The following WDR36 variants were observed in gnomAD, a reference collection of about 807,000 sequenced individuals.
WDR36 encodes WD repeat-containing protein 36.
A neutral mutation model predicts 112.7 loss-of-function variants in WDR36; 63 were observed. The ratio of observed to expected loss-of-function variants is 0.56; its 90% CI spans 0.46 to 0.69. The LOEUF is 0.69. Among genes scored for constraint, WDR36 ranks in the 30% least tolerant of loss-of-function variants. The pLI is 0.00. For synonymous variants in WDR36, 410 were observed against 362.2 expected (o/e 1.13, Z -1.50); for missense variants, 1,226 against 1,070.3 (o/e 1.15, Z -2.03).
rs1753512944 is a variant in WDR36 at position 111,119,020 on chromosome 5, G to C, written c.1804G>C (p.Asp602His). Residue 602 changes from aspartate to histidine, a missense_variant, in exon 17 of 23, where the codon GAC (aspartate) becomes CAC (histidine). Transcript: ENST00000513710. ...TGTTAATTATTTCTGTAGCCTTATA[G>C]ACTGCTTTTTGTTGGACTCGGCTCC... ...TWDLPSGCLI[D>H]CFLLDSAPLN... The C allele has an allele frequency of 3.7e-6, 6 of 1,612,684 alleles. No individual in the cohort carries two copies. Among genetic ancestry groups the C allele is most frequent in the Non-Finnish European group, 5.1e-6 (6 of 1,178,892 alleles).
chr5:111,116,528 C>G (rs1435005981), intron 16 of WDR36, among the ~76,000 whole-genome samples: 1 of 152,110 alleles, frequency 6.6e-6, no homozygotes, highest in African/African-American at 2.4e-5. Context: ...AATTGTTATG[C>G]AGGGCTCTGA....
chr5:111,126,870 G>T lies in WDR36; in HGVS notation c.2675G>T (p.Ser892Ile). 6.2e-7 allele frequency: 1 copy of T among 1,601,952 alleles called. No homozygotes were observed. Among genetic ancestry groups the T allele is most frequent in the Non-Finnish European group, 8.5e-7 (1 of 1,174,576 alleles). ...ATGTGTATTTTAAATTATCTCAAAA[G>T]TGCTTTGTTGTAAAAATAAATTTGT... Reference protein sequence around the residue: ...QSMCILNYLKSALL With the variant: ...QSMCILNYLKIALL Residue 892 changes from serine (S) to isoleucine (I), a missense_variant, in exon 23 of 23, where the codon AGT becomes ATT. By Grantham distance (142) the Ser-to-Ile change is moderately radical. Transcript: ENST00000513710.
chr5:111,123,884 C>T lies in WDR36; in HGVS notation c.2228C>T (p.Pro743Leu). 1 of 1,613,800 alleles carries T rather than the reference C, an allele frequency of 6.2e-7. No individual in the cohort carries two copies. The highest frequency in any genetic ancestry group is 8.5e-7 in the Non-Finnish European group (1 of 1,179,904). The change falls in exon 20 of 23, where the codon CCC (proline) becomes CTC (leucine). Residue 743 changes from proline (P) to leucine (L), a missense_variant. Transcript: ENST00000513710. ...FFIPTIPGLV[P>L]RYAAPEQNND... ...ATTCCAACAATTCCTGGCCTTGTAC[C>T]CAGATATGCTGCACCTGAACAAAAT...
Position 111,111,293 on chromosome 5 carries a change from A to G in WDR36, c.1716+15A>G, listed in dbSNP as rs1434777975. 6.3e-7 allele frequency: 1 copy of G among 1,592,870 alleles called. No individual in the cohort carries two copies. Among genetic ancestry groups the G allele is most frequent in the Non-Finnish European group, 8.6e-7 (1 of 1,161,184 alleles). On this transcript the variant is annotated intron_variant, in intron 15 of 22. Coordinates refer to ENST00000513710, the MANE Select transcript of WDR36 (RefSeq NM_139281.3). ...TAAATGACATGGTAAAACAAACTCT[A>G]ACTAATAAAACTTGACTCATTTCTA...
At chr5:111,092,808 C>A (rs1200272474) in intron 1 of WDR36, among the ~76,000 whole-genome samples, 190 bp downstream of exon 1, 1 of 152,240 alleles carries the variant, frequency 6.6e-6, no homozygotes, top group Non-Finnish European at 1.5e-5. Context: ...CCTCCTGGGG[C>A]GTGTTTCAGA....
At chr5:111,094,043 G>C (rs990527807) in intron 1 of WDR36, among the ~76,000 whole-genome samples, 37 of 151,976 alleles carry the variant, frequency 2.4e-4, no homozygotes, top group Non-Finnish European at 4.0e-4. Context: ...AAAAAAAAAA[G>C]GAGCTAATGA....
intron 18 of WDR36, 115 bp from the exon 19 acceptor site, chr5:111,120,881 C>A (rs1753551344): frequency 1.1e-6 from 1 of 921,064 alleles, no homozygotes; most frequent in African/African-American, 1.7e-5. Context: ...AATAAATGAA[C>A]AGTCTACAAG....
At position 111,104,346 on chromosome 5, in the gene WDR36, T is replaced by C; in HGVS notation, c.900T>C (p.Ala300=). 1.2e-6 allele frequency: 2 copies of C among 1,611,756 alleles called. No homozygotes were observed. The highest frequency in any genetic ancestry group is 1.7e-6 in the Non-Finnish European group (2 of 1,178,292). The change falls in exon 8 of 23, where the codon GCT becomes GCC. Residue 300 remains alanine (A), a synonymous_variant. Coordinates refer to ENST00000513710, the MANE Select transcript of WDR36 (RefSeq NM_139281.3). The stretch of plus-strand genomic sequence containing the variant: ...TTGTCACAAATGGCGCTGACAATGC[T>C]CTTAGGGTATTATGATTATTGTTAA... ...PLLVTNGADN[A]LRIWIFDGPT... is the part of the protein sequence containing the mutation.
At position 111,109,727 on chromosome 5, in the gene WDR36, A is replaced by T. The variant is rs919333903; in HGVS notation, c.1327-462A>T. Among the ~76,000 whole-genome samples, 4 of 151,432 alleles carry T rather than the reference A, an allele frequency of 2.6e-5. No homozygotes were observed. In the Admixed American group the frequency reaches 2.6e-4, roughly 10 times the overall value. ...TAGTGTCTTATATATTTCCTTCCTA[A>T]TATGTCATAATTAAAATATTTTGGG... On this transcript the variant is annotated intron_variant, in intron 12 of 22. Coordinates refer to ENST00000513710, the MANE Select transcript of WDR36 (RefSeq NM_139281.3).
intron 19 of WDR36, among the ~76,000 whole-genome samples, chr5:111,123,132 A>G (rs1753602040): frequency 6.6e-6 from 1 of 152,186 alleles, no homozygotes; most frequent in Non-Finnish European, 1.5e-5. Flanking sequence ...TTCCTGAGAT[A>G]CTGATATGTA....
intron 18 of WDR36, 138 bp from the exon 19 acceptor site, chr5:111,120,858 G>T (rs546545300): frequency 2.2e-5 from 18 of 834,026 alleles, no homozygotes; most frequent in Non-Finnish European, 3.4e-5. Flanking sequence ...AAAAGACAGG[G>T]ATAAGTAAAT....
At chr5:111,111,305 T>G (rs1561706470) in intron 15 of WDR36, 27 bp downstream of exon 15, 2 of 1,574,572 alleles carry the variant, frequency 1.3e-6, no homozygotes, top group Non-Finnish European at 1.7e-6. Context: ...CTAATAAAAC[T>G]TGACTCATTT....
chr5:111,098,950 A>G (rs1019092902), intron 4 of WDR36, 111 bp downstream of exon 4: 5 of 794,502 alleles, frequency 6.3e-6, no homozygotes, highest in Admixed American at 2.3e-5. Context: ...ATAGTAAGAA[A>G]TTAAAAAAAT....
Position 111,111,243 on chromosome 5 carries a change from G to A in WDR36, c.1681G>A (p.Glu561Lys). 1 of 1,611,652 alleles carries A rather than the reference G, an allele frequency of 6.2e-7. No individual in the cohort carries two copies. Among genetic ancestry groups the A allele is most frequent in the Non-Finnish European group, 8.5e-7 (1 of 1,178,140 alleles). Reference sequence around the variant, plus strand: ...CATAGAAACTAGGAAGATTGTCAGAGAGTTTTCTGGACACCAAGGCCAAAT... The same window carrying A: ...CATAGAAACTAGGAAGATTGTCAGAAAGTTTTCTGGACACCAAGGCCAAAT... ...LDIETRKIVREFSGHQGQIND... is the reference protein window; with the variant it reads ...LDIETRKIVRKFSGHQGQIND... The change falls in exon 15 of 23, where the codon GAG becomes AAG. Residue 561 changes from glutamate (E) to lysine (K), a missense_variant. By Grantham distance (56) the Glu-to-Lys change is moderately conservative. Transcript: ENST00000513710.
intron 21 of WDR36, among the ~76,000 whole-genome samples, chr5:111,125,400 A>C (rs1561711406): frequency 6.6e-6 from 1 of 152,158 alleles, no homozygotes; most frequent in Non-Finnish European, 1.5e-5. Context: ...ATGTGTTTTG[A>C]GTACTTTCTC....
chr5:111,125,550 T>G (rs1407158262), intron 21 of WDR36, 58 bp from the exon 22 acceptor site: 1 of 1,534,228 alleles, frequency 6.5e-7, no homozygotes, highest in East Asian at 2.4e-5. Context: ...AGGAAAACTG[T>G]AATTTTCTAA....
At chr5:111,123,613 C>CT (rs1753614303) in intron 19 of WDR36, among the ~76,000 whole-genome samples, 192 bp from the exon 20 acceptor site, 1 of 152,132 alleles carries the variant, frequency 6.6e-6, no homozygotes, top group African/African-American at 2.4e-5. Context: ...TGCTAGAGAT[C>CT]TGCATTGGGA....
Position 111,111,275 on chromosome 5 carries a change from C to G in WDR36, c.1713C>G (p.Asp571Glu), listed in dbSNP as rs780142483. 1.2e-6 allele frequency: 2 copies of G among 1,609,080 alleles called. No homozygotes were observed. Among genetic ancestry groups the G allele is most frequent in the Admixed American group, 1.7e-5 (1 of 59,852 alleles). Reference protein sequence around the residue: ...EFSGHQGQINDMAFSPDGRWL... With the variant: ...EFSGHQGQINEMAFSPDGRWL... Reference sequence around the variant, plus strand: ...CTGGACACCAAGGCCAAATAAATGACATGGTAAAACAAACTCTAACTAATA... The same window carrying G: ...CTGGACACCAAGGCCAAATAAATGAGATGGTAAAACAAACTCTAACTAATA... The change falls in exon 15 of 23, where the codon GAC (aspartate) becomes GAG (glutamate). Residue 571 changes from aspartate to glutamate, a missense_variant. Coordinates refer to ENST00000513710, the MANE Select transcript of WDR36 (RefSeq NM_139281.3).
Position 111,127,212 on chromosome 5 carries a change from G to T in WDR36, c.*329G>T, listed in dbSNP as rs1224248481. On this transcript the variant is annotated 3_prime_UTR_variant, in exon 23 of 23. Coordinates refer to ENST00000513710, the MANE Select transcript of WDR36 (RefSeq NM_139281.3). The stretch of plus-strand genomic sequence containing the variant: ...AAAAAATAAATTACACCTGCCTTTT[G>T]TTTTGAAGACTTAAAGAATCTGCTC... 2.1e-5 allele frequency: 5 copies of T among 238,996 alleles called. No homozygotes were observed. Among genetic ancestry groups the T allele is most frequent in the Non-Finnish European group, 4.1e-5 (5 of 123,006 alleles). The allele number at this position is 238,996 out of a possible 1,614,324, so 14.8% of individuals were successfully genotyped here.
Sources: gnomAD v4.1 joint callset for allele counts (sites outside exome capture counted in the v4.1 genomes callset) on GRCh38, gnomAD v4.1.1 for gene constraint, MANE v1.5 for transcripts, NCBI Gene and HGNC (gene_info 2026-07-23, HGNC 2026-07-21) for gene names.